GRIN2A: variants seen among roughly 807,000 people sequenced by gnomAD.
The protein encoded by GRIN2A is glutamate ionotropic receptor NMDA type subunit 2A, also known as glutamate receptor ionotropic, NMDA 2A.
In GRIN2A, 22 loss-of-function variants were observed where a neutral mutation model predicts 113.4. The ratio of observed to expected loss-of-function variants is 0.19; its 90% CI spans 0.14 to 0.28. The LOEUF (loss-of-function observed/expected upper bound fraction) is 0.28. Among genes scored for constraint, GRIN2A ranks in the 10% least tolerant of loss-of-function variants. The pLI is 1.00. For synonymous variants in GRIN2A, 827 were observed against 738.4 expected, an observed-to-expected ratio of 1.12 and a Z score of -1.94; for missense variants, 1,502 against 1,887.0, an observed-to-expected ratio of 0.80 and a Z score of 3.78.
intron 2 of GRIN2A, among the ~76,000 whole-genome samples, chr16:10,124,318 G>A (rs1038282006): frequency 7.2e-5 from 11 of 152,070 alleles, no homozygotes; most frequent in African/African-American, 2.7e-4. Flanking sequence ...TACCATGTAG[G>A]GATACTATGA....
chr16:10,130,332 T>A (rs905350515), intron 2 of GRIN2A, among the ~76,000 whole-genome samples: 1 of 152,252 alleles, frequency 6.6e-6, no homozygotes, highest in African/African-American at 2.4e-5. Context: ...GTGGCTGATC[T>A]ATTTTCAGCA....
Position 9,979,845 on chromosome 16 carries a change from CTGTGTG to C in GRIN2A, c.415-41300_415-41295del, listed in dbSNP as rs60999132. Reference sequence around the variant, plus strand: ...TATGTATTTATCTAGGACTTATATTCTGTGTGTGTGTGTGTGTGTGTGTGTGTGTGT... The same window carrying C: ...TATGTATTTATCTAGGACTTATATTCTGTGTGTGTGTGTGTGTGTGTGTGT... On this transcript the variant is annotated intron_variant, in intron 2 of 12. Coordinates refer to ENST00000330684, the MANE Select transcript of GRIN2A (RefSeq NM_001134407.3). Among the ~76,000 whole-genome samples the C allele has an allele frequency of 8.5e-3, 1,139 of 133,470 alleles. 13 individuals carry two copies. Among genetic ancestry groups the C allele is most frequent in the African/African-American group, 0.028 (1,040 of 36,698 alleles). 87.6% of individuals were successfully genotyped at this position (133,470 alleles called of 152,430 possible). A position where few individuals can be genotyped will look rare whatever the true frequency, so the allele number is the denominator to read the frequency against.
intron 2 of GRIN2A, among the ~76,000 whole-genome samples, chr16:9,941,952 G>A (rs961500223): frequency 1.3e-5 from 2 of 152,106 alleles, no homozygotes; most frequent in Admixed American, 6.6e-5. Flanking sequence ...CCTGCCCTCA[G>A]GGTCTCGAGT....
chr16:9,839,371 T>C (rs559884383), intron 7 of GRIN2A, among the ~76,000 whole-genome samples: 19 of 151,104 alleles, frequency 1.3e-4, no homozygotes, highest in African/African-American at 4.7e-4. Context: ...AGCTCTTCCT[T>C]GATTTAAAAA....
At chr16:10,156,727 G>A (rs768157950) in intron 2 of GRIN2A, among the ~76,000 whole-genome samples, 3 of 152,170 alleles carry the variant, frequency 2.0e-5, no homozygotes, top group Non-Finnish European at 2.9e-5. Context: ...GGACTTAAAG[G>A]CAAAGCGGGA....
chr16:9,781,527 A>G (rs1314910851), intron 11 of GRIN2A, among the ~76,000 whole-genome samples: 3 of 152,046 alleles, frequency 2.0e-5, no homozygotes, highest in Admixed American at 6.6e-5. Flanking sequence ...TGCCTAGATA[A>G]TGTCTTTATT....
intron 2 of GRIN2A, among the ~76,000 whole-genome samples, chr16:10,080,008 T>A (rs2047948815): frequency 6.6e-6 from 1 of 152,222 alleles, no homozygotes; most frequent in South Asian, 2.1e-4. Flanking sequence ...ATAAGAATGA[T>A]CATGGAACTG....
chr16:10,080,029 A>G (rs1004904222), intron 2 of GRIN2A, among the ~76,000 whole-genome samples: 1 of 152,214 alleles, frequency 6.6e-6, no homozygotes, highest in African/African-American at 2.4e-5. Flanking sequence ...AATTGATGGC[A>G]CTTTTGTGCA....
chr16:10,050,184 G>A (rs1343370783), intron 2 of GRIN2A, among the ~76,000 whole-genome samples: 1 of 152,132 alleles, frequency 6.6e-6, no homozygotes, highest in Non-Finnish European at 1.5e-5. Flanking sequence ...AAGGGCAGAG[G>A]GAGACAAGGA....
At position 9,764,372 on chromosome 16, in the gene GRIN2A, G is replaced by A. The variant is rs988036800; in HGVS notation, c.3172C>T (p.His1058Tyr). 5.0e-6 allele frequency: 8 copies of A among 1,614,118 alleles called. No individual in the cohort carries two copies. Among genetic ancestry groups the A allele is most frequent in the Non-Finnish European group, 6.8e-6 (8 of 1,179,990 alleles). Residue 1058 changes from histidine (H) to tyrosine (Y), a missense_variant, in exon 13 of 13, where the codon CAC becomes TAC. By Grantham distance (83) the His-to-Tyr change is moderately conservative. This residue lies in a region of GRIN2A where 832 missense variants were observed against 789.7 expected (regional missense o/e 1.05). Coordinates refer to ENST00000330684, the MANE Select transcript of GRIN2A (RefSeq NM_001134407.3). ...TTTGACGTTTCTGAAATGTCAGAGTGGGCCATCTCTTCTGGAAGATACCTA... is the reference window on the plus strand; with the variant it reads ...TTTGACGTTTCTGAAATGTCAGAGTAGGCCATCTCTTCTGGAAGATACCTA... The part of the protein sequence containing the change: ...SPRYLPEEMA[H>Y]SDISETSNRA...
At chr16:9,870,724 G>A (rs1056611340) in intron 4 of GRIN2A, among the ~76,000 whole-genome samples, 2 of 149,814 alleles carry the variant, frequency 1.3e-5, no homozygotes, top group South Asian at 4.2e-4. Flanking sequence ...CGCAACCTCC[G>A]CTTCCCAGGT....
At chr16:9,825,153 C>T (rs2042362603) in intron 9 of GRIN2A, among the ~76,000 whole-genome samples, 1 of 152,162 alleles carries the variant, frequency 6.6e-6, no homozygotes, top group African/African-American at 2.4e-5. Context: ...TTTCACCTGG[C>T]TTTGGACTTA....
At chr16:9,993,120 C>A (rs1186619804) in intron 2 of GRIN2A, among the ~76,000 whole-genome samples, 2 of 151,998 alleles carry the variant, frequency 1.3e-5, no homozygotes, top group African/African-American at 4.8e-5. Flanking sequence ...GTCCCAGCTA[C>A]TCCTCGGGAG....
chr16:10,007,234 T>C (rs1370868608), intron 2 of GRIN2A, among the ~76,000 whole-genome samples: 2 of 152,228 alleles, frequency 1.3e-5, no homozygotes, highest in Non-Finnish European at 2.9e-5. Context: ...GCTGTATTAA[T>C]TTACATTTCT....
intron 2 of GRIN2A, among the ~76,000 whole-genome samples, chr16:10,024,580 C>T (rs1040836067): frequency 2.6e-5 from 4 of 152,234 alleles, no homozygotes; most frequent in African/African-American, 9.6e-5. Flanking sequence ...GTCATTACCA[C>T]GTCTTCTCTG....
In GRIN2A at chr16:9,756,255, T is replaced by G. The variant is rs1470362541; in HGVS notation, c.*6894A>C. ...AAAGAGATATTTAAGATTAGGCACATGCTAAGTAGAGAAAATAACTCCCCA... is the reference window on the plus strand; with the variant it reads ...AAAGAGATATTTAAGATTAGGCACAGGCTAAGTAGAGAAAATAACTCCCCA... On this transcript the variant is annotated 3_prime_UTR_variant, in exon 13 of 13. Transcript: ENST00000330684. 3 of 227,510 alleles carry G rather than the reference T, an allele frequency of 1.3e-5. No individual in the cohort carries two copies. Among genetic ancestry groups the G allele is most frequent in the Non-Finnish European group, 2.6e-5 (3 of 114,400 alleles). 14.1% of individuals were successfully genotyped at this position (227,510 alleles called of 1,614,324 possible).
chr16:10,166,450 G>A (rs1235607593), intron 2 of GRIN2A, among the ~76,000 whole-genome samples: 5 of 152,150 alleles, frequency 3.3e-5, no homozygotes, highest in Non-Finnish European at 7.4e-5. Flanking sequence ...ATCTTCAGCT[G>A]TGGGGGATGA....
At chr16:9,956,750 A>C (rs2045320682) in intron 2 of GRIN2A, among the ~76,000 whole-genome samples, 1 of 152,170 alleles carries the variant, frequency 6.6e-6, no homozygotes, top group South Asian at 2.1e-4. Flanking sequence ...ACAATGGGGG[A>C]AACAGAACAA....
chr16:9,958,056 C>G (rs544472638), intron 2 of GRIN2A, among the ~76,000 whole-genome samples: 116 of 152,334 alleles, frequency 7.6e-4, no homozygotes, highest in African/African-American at 2.7e-3. Flanking sequence ...GCTCTGCTAT[C>G]TCCAAGCTGG....
Sources: gnomAD v4.1 joint callset for allele counts (sites outside exome capture counted in the v4.1 genomes callset) on GRCh38, gnomAD v4.1.1 for gene constraint, gnomAD v4.1.1 regional missense constraint, MANE v1.5 for transcripts, NCBI Gene and HGNC (gene_info 2026-07-23, HGNC 2026-07-21) for gene names.